Variants in FER observed in about 807,000 individuals in gnomAD.
FER encodes the protein FER tyrosine kinase, also known as tyrosine-protein kinase Fer.
A neutral mutation model predicts 111.0 loss-of-function variants in FER; 63 were observed. The observed-to-expected ratio is 0.57, with a 90% CI of 0.46 to 0.70. FER has a LOEUF of 0.70. FER is among the 30% of genes least tolerant of loss of function. The probability of loss-of-function intolerance (pLI) is 0.00; values close to 1 mark genes in which losing one functional copy is unlikely to be tolerated. For synonymous variants in FER, 327 were observed against 313.9 expected (o/e 1.04, Z -0.44); for missense variants, 914 against 954.0 (o/e 0.96, Z 0.55).
At chr5:108,868,057 C>T in intron 6 of FER, 107 bp downstream of exon 6, 3 of 1,021,478 alleles carry the variant, frequency 2.9e-6, no homozygotes, top group Non-Finnish European at 4.2e-6. Flanking sequence ...TAACCCAGTC[C>T]AGGGGGTATT....
chr5:109,002,583 A>C (rs1764934621), intron 13 of FER, among the ~76,000 whole-genome samples: 1 of 152,192 alleles, frequency 6.6e-6, no homozygotes. Flanking sequence ...CATGTCTAGA[A>C]CAGCAAAAGC....
chr5:108,891,510 T>G (rs1748044942), intron 9 of FER: 1 of 152,002 alleles, frequency 6.6e-6, no homozygotes, highest in South Asian at 2.1e-4. Flanking sequence ...GTTTTACTCC[T>G]TCTCCCATTC....
intron 17 of FER, among the ~76,000 whole-genome samples, chr5:109,162,382 T>C (rs1379297039): frequency 6.6e-6 from 1 of 152,074 alleles, no homozygotes; most frequent in African/African-American, 2.4e-5. Context: ...CAAAAATAGT[T>C]TATTGAATTT....
intron 11 of FER, among the ~76,000 whole-genome samples, chr5:108,948,314 G>A (rs967324707): frequency 6.6e-6 from 1 of 152,028 alleles, no homozygotes. Flanking sequence ...GCTGATAGCA[G>A]AATTTGTTTT....
At chr5:109,108,260 G>C (rs1208926044) in intron 17 of FER, among the ~76,000 whole-genome samples, 1 of 152,156 alleles carries the variant, frequency 6.6e-6, no homozygotes, top group African/African-American at 2.4e-5. Context: ...ATGTCACACA[G>C]CTAGTAAGAG....
chr5:108,912,844 G>C (rs933896645), intron 10 of FER, among the ~76,000 whole-genome samples: 4 of 152,216 alleles, frequency 2.6e-5, no homozygotes, highest in Non-Finnish European at 4.4e-5. Flanking sequence ...GGAGTAAGTA[G>C]CTATCAAGTG....
chr5:109,105,233 TG>T (rs1748759497), intron 17 of FER, among the ~76,000 whole-genome samples: 2 of 6,190 alleles, frequency 3.2e-4, no homozygotes, highest in South Asian at 4.7e-3. Context: ...CTTATATTTG[TG>T]TGTGTGTGTG....
intron 16 of FER, among the ~76,000 whole-genome samples, chr5:109,097,008 A>G (rs974051048): frequency 2.7e-5 from 4 of 148,456 alleles, no homozygotes; most frequent in African/African-American, 4.9e-5. Flanking sequence ...TATATAAAGT[A>G]TAATAGTATA....
At chr5:108,845,657 T>G (rs904977563) in intron 5 of FER, among the ~76,000 whole-genome samples, 2 of 152,166 alleles carry the variant, frequency 1.3e-5, no homozygotes. Context: ...CAGTATGATA[T>G]TGAATAGAAG....
At chr5:108,878,974 G>T (rs912907883) in intron 8 of FER, among the ~76,000 whole-genome samples, 1 of 152,002 alleles carries the variant, frequency 6.6e-6, no homozygotes, top group Non-Finnish European at 1.5e-5. Context: ...GCTCTGTGAC[G>T]GTGGACAAGA....
chr5:109,034,940 T>TA (rs769368012), intron 13 of FER, among the ~76,000 whole-genome samples: 1 of 151,670 alleles, frequency 6.6e-6, no homozygotes, highest in Non-Finnish European at 1.5e-5. Context: ...TATTTTTTAT[T>TA]AAAAAATGAA....
chr5:109,112,282 TGAAAA>T (rs1749722615), intron 17 of FER, among the ~76,000 whole-genome samples: 1 of 151,910 alleles, frequency 6.6e-6, no homozygotes, highest in Non-Finnish European at 1.5e-5. Context: ...TATTAGAAAA[TGAAAA>T]GAAAACAAAG....
chr5:108,808,770 T>C (rs1757454018), intron 3 of FER, among the ~76,000 whole-genome samples: 2 of 152,168 alleles, frequency 1.3e-5, no homozygotes, highest in Admixed American at 1.3e-4. Context: ...AAGGATCTCT[T>C]GTGAGGCGAC....
At chr5:109,176,386 A>C (rs1757690937) in intron 17 of FER, among the ~76,000 whole-genome samples, 1 of 152,184 alleles carries the variant, frequency 6.6e-6, no homozygotes, top group Admixed American at 6.5e-5. Context: ...AGGCAGAGAA[A>C]GATAAATACT....
At chr5:109,137,456 G>A (rs1471868670) in intron 17 of FER, among the ~76,000 whole-genome samples, 1 of 152,186 alleles carries the variant, frequency 6.6e-6, no homozygotes, top group Non-Finnish European at 1.5e-5. Flanking sequence ...CTGTGCTAAG[G>A]CACTAACCTT....
rs867004094 is a variant in FER, at chr5:109,102,013, G to A, written c.2048+1494G>A. Among the ~76,000 whole-genome samples the A allele has an allele frequency of 5.9e-5, 9 of 151,600 alleles. No homozygotes were observed. In the South Asian group the frequency reaches 1.9e-3, roughly 32 times the overall value. ...TACCATGACTCTTCTTTAATTTCTGGGACATTGCATTTGAGAGGACCATTG... is the reference window on the plus strand; with the variant it reads ...TACCATGACTCTTCTTTAATTTCTGAGACATTGCATTTGAGAGGACCATTG... On this transcript the variant is annotated intron_variant, in intron 17 of 19. Coordinates refer to ENST00000281092, the MANE Select transcript of FER (RefSeq NM_005246.4).
intron 13 of FER, among the ~76,000 whole-genome samples, chr5:108,977,382 T>C (rs1210163034): frequency 6.6e-6 from 1 of 152,218 alleles, no homozygotes; most frequent in Non-Finnish European, 1.5e-5. Context: ...TTTTCTTATT[T>C]TTTCTCAATA....
chr5:109,090,365 T>G (rs866403700), intron 16 of FER, among the ~76,000 whole-genome samples: 34 of 152,174 alleles, frequency 2.2e-4, no homozygotes, highest in African/African-American at 7.5e-4. Context: ...TTCCTCTGTA[T>G]GAAGCCAATC....
intron 17 of FER, among the ~76,000 whole-genome samples, chr5:109,127,654 C>T (rs558846079): frequency 3.9e-5 from 6 of 152,206 alleles, no homozygotes; most frequent in East Asian, 1.9e-4. Flanking sequence ...ATCCACCGGC[C>T]ATGGCCTCCC....
Sources: allele counts gnomAD v4.1 joint callset (sites outside exome capture counted in the v4.1 genomes callset), GRCh38; gene constraint gnomAD v4.1.1; transcripts MANE v1.5; gene names NCBI Gene and HGNC (gene_info 2026-07-23, HGNC 2026-07-21).